Variants in OPCML observed in about 807,000 individuals in gnomAD.
OPCML encodes opioid-binding protein/cell adhesion molecule.
In OPCML, 13 loss-of-function variants were observed where a neutral mutation model predicts 37.8. The ratio of observed to expected loss-of-function variants is 0.34; its 90% CI spans 0.22 to 0.55. The LOEUF (loss-of-function observed/expected upper bound fraction) is 0.55. Among genes scored for constraint, OPCML ranks in the 20% least tolerant of loss-of-function variants. OPCML has a pLI of 0.91. For synonymous variants in OPCML, 176 were observed against 168.8 expected, an observed-to-expected ratio of 1.04 and a Z score of -0.33; for missense variants, 341 against 435.6, an observed-to-expected ratio of 0.78 and a Z score of 1.93.
rs568725504 is a variant in OPCML at position 133,382,532 on chromosome 11, G to A, written c.61+149732C>T. ...TGGGGTCACACACCCCCACATCACT[G>A]CCCAGGCAGCCGGCCAAAGAAGAAA... On this transcript the variant is annotated intron_variant, in intron 1 of 7. Transcript: ENST00000524381. 1.2e-4 allele frequency among the ~76,000 whole-genome samples: 19 copies of A among 152,180 alleles called. No individual in the cohort carries two copies. The East Asian group carries it at 3.7e-3, about 30-fold the overall frequency.
intron 2 of OPCML, among the ~76,000 whole-genome samples, chr11:132,696,158 A>T (rs924094089): frequency 2.6e-5 from 4 of 152,214 alleles, no homozygotes; most frequent in African/African-American, 9.6e-5. Context: ...GCATTTGAGA[A>T]TGCCCGACCC....
intron 1 of OPCML, chr11:133,003,952 T>C: frequency 1.0e-5 from 10 of 985,402 alleles, no homozygotes; most frequent in Non-Finnish European, 1.2e-5. Flanking sequence ...CCCGGCACAC[T>C]GTCCCGTGGG....
intron 3 of OPCML, among the ~76,000 whole-genome samples, chr11:132,636,161 A>C (rs537417298): frequency 3.3e-4 from 51 of 152,284 alleles, no homozygotes; most frequent in Non-Finnish European, 6.3e-4. Flanking sequence ...TTTTTTTAAT[A>C]AAATTGTTCT....
At chr11:132,831,954 C>T (rs1323609510) in intron 2 of OPCML, among the ~76,000 whole-genome samples, 1 of 151,932 alleles carries the variant, frequency 6.6e-6, no homozygotes, top group Admixed American at 6.6e-5. Context: ...GTCTCTGGGG[C>T]TCCAGCAACC....
At chr11:133,147,835 C>G (rs1309095257) in intron 1 of OPCML, among the ~76,000 whole-genome samples, 1 of 152,178 alleles carries the variant, frequency 6.6e-6, no homozygotes. Context: ...GCATACTCAG[C>G]TAGTTCATAA....
rs184548198 is a variant in OPCML at position 133,334,447 on chromosome 11, G to A, written c.61+197817C>T. 8.7e-4 allele frequency among the ~76,000 whole-genome samples: 132 copies of A among 152,168 alleles called. 1 individual carries two copies. The highest frequency in any genetic ancestry group is 2.9e-3 in the African/African-American group (119 of 41,548). Reference sequence around the variant, plus strand: ...ACTTATAGTGAGAGCTAAATGATGAGAACTCATGAACAAAAAGAAGGAAAC... The same window carrying A: ...ACTTATAGTGAGAGCTAAATGATGAAAACTCATGAACAAAAAGAAGGAAAC... On this transcript the variant is annotated intron_variant, in intron 1 of 7. Coordinates refer to ENST00000524381, the MANE Select transcript of OPCML (RefSeq NM_001012393.5).
chr11:133,114,880 T>C (rs924784993), intron 1 of OPCML, among the ~76,000 whole-genome samples: 1 of 152,206 alleles, frequency 6.6e-6, no homozygotes, highest in African/African-American at 2.4e-5. Context: ...AAGAATATTT[T>C]AGATGTTTTG....
intron 2 of OPCML, among the ~76,000 whole-genome samples, chr11:132,659,704 C>CTGTGTGTGTGTGTGTGTGTGTG (rs58318033): frequency 1.4e-5 from 2 of 147,230 alleles, no homozygotes; most frequent in African/African-American, 5.0e-5. Context: ...CACAAAATTC[C>CTGTGTGTGTGTGTGTGTGTGTG]TGTGTGTGTG....
rs1399434600 is a variant in OPCML, at chr11:132,999,372, C to A, written c.62-56362G>T. On this transcript the variant is annotated intron_variant, in intron 1 of 7. Transcript: ENST00000524381. ...GTTTGGGGATAGTTAATTTCCAATT[C>A]TTTCCAGATGGGTTGGAATAATATC... Among the ~76,000 whole-genome samples, 4 of 152,016 alleles carry A rather than the reference C, an allele frequency of 2.6e-5. No individual in the cohort carries two copies. The East Asian group carries it at 5.8e-4, about 22-fold the overall frequency.
chr11:132,511,459 G>A (rs1381016148), intron 4 of OPCML, among the ~76,000 whole-genome samples: 2 of 151,850 alleles, frequency 1.3e-5, no homozygotes, highest in Non-Finnish European at 2.9e-5. Context: ...ACATAGATTG[G>A]CCACTATTTT....
intron 1 of OPCML, among the ~76,000 whole-genome samples, chr11:133,175,044 C>T (rs1311594537): frequency 3.3e-5 from 5 of 151,916 alleles, no homozygotes; most frequent in Non-Finnish European, 1.5e-5. Context: ...GTTGAGGCTA[C>T]AGTAAGCTAC....
chr11:133,461,148 T>G (rs778971082), intron 1 of OPCML, among the ~76,000 whole-genome samples: 1 of 151,946 alleles, frequency 6.6e-6, no homozygotes, highest in Non-Finnish European at 1.5e-5. Context: ...CTGAACTTCT[T>G]TTTTTAGGCT....
intron 1 of OPCML, among the ~76,000 whole-genome samples, chr11:133,116,896 T>G (rs1335162033): frequency 2.6e-5 from 4 of 151,912 alleles, no homozygotes; most frequent in African/African-American, 9.7e-5. Flanking sequence ...ATCAATTATT[T>G]CTGTGGTGGT....
At chr11:133,042,386 T>C (rs1046784133) in intron 1 of OPCML, among the ~76,000 whole-genome samples, 3 of 152,200 alleles carry the variant, frequency 2.0e-5, no homozygotes, top group African/African-American at 7.2e-5. Flanking sequence ...CTTTGACAGA[T>C]GCATTCTCAG....
At chr11:132,579,352 TCAAA>T (rs1170650706) in intron 3 of OPCML, among the ~76,000 whole-genome samples, 3 of 151,416 alleles carry the variant, frequency 2.0e-5, no homozygotes, top group Admixed American at 1.3e-4. Flanking sequence ...GACAGGCCTG[TCAAA>T]CAAAGGAGAC....
chr11:132,427,050 C>T (rs2136681927), intron 7 of OPCML, among the ~76,000 whole-genome samples: 1 of 152,224 alleles, frequency 6.6e-6, no homozygotes, highest in South Asian at 2.1e-4. Context: ...TTTTCCTTTC[C>T]ATGATTACAA....
intron 1 of OPCML, among the ~76,000 whole-genome samples, chr11:133,370,384 T>TAAAATCAATATACAA (rs1944645703): frequency 6.6e-6 from 1 of 150,868 alleles, no homozygotes; most frequent in African/African-American, 2.4e-5. Context: ...TTGCAGTCTG[T>TAAAATCAATATACAA]AAAATCAATA....
Position 133,032,819 on chromosome 11 carries a change from T to A in OPCML, c.62-89809A>T, listed in dbSNP as rs374481988. On this transcript the variant is annotated intron_variant, in intron 1 of 7. Transcript: ENST00000524381. ...CAACTCAAAGACTCTAATACAAACA[T>A]TTTTTCTACTTTCAGACAGCTGGCA... is the stretch of plus-strand genomic sequence containing the variant. Among the ~76,000 whole-genome samples, 55 of 152,274 alleles carry A rather than the reference T, an allele frequency of 3.6e-4. 1 individual carries two copies. The South Asian group carries it at 0.011, about 30-fold the overall frequency.
intron 1 of OPCML, among the ~76,000 whole-genome samples, chr11:133,351,987 T>C (rs184401936): frequency 3.3e-5 from 5 of 152,318 alleles, no homozygotes; most frequent in African/African-American, 7.2e-5. Flanking sequence ...TCCTGCTATT[T>C]TCATTGCTGC....
Sources: allele counts gnomAD v4.1 joint callset (sites outside exome capture counted in the v4.1 genomes callset), GRCh38; gene constraint gnomAD v4.1.1; transcripts MANE v1.5; gene names NCBI Gene and HGNC (gene_info 2026-07-23, HGNC 2026-07-21).